The following CPEB4 variants were observed in gnomAD, a reference collection of about 807,000 sequenced individuals.
CPEB4 encodes the protein cytoplasmic polyadenylation element binding protein 4, also known as cytoplasmic polyadenylation element-binding protein 4.
A neutral mutation model predicts 72.5 loss-of-function variants in CPEB4; 12 were observed. That is an observed-to-expected ratio of 0.17 (90% confidence interval 0.11 to 0.27). CPEB4 has a LOEUF of 0.27. Ranked by LOEUF, CPEB4 falls within the 10% of genes least tolerant of loss-of-function variation. The pLI, the probability that CPEB4 is intolerant of heterozygous loss-of-function variation, is 1.00. For synonymous variants in CPEB4, 302 were observed against 326.3 expected, an observed-to-expected ratio of 0.93 and a Z score of 0.80; for missense variants, 614 against 908.5, an observed-to-expected ratio of 0.68 and a Z score of 4.17.
At chr5:173,926,089 G>A (rs530922847) in intron 2 of CPEB4, among the ~76,000 whole-genome samples, 5 of 152,290 alleles carry the variant, frequency 3.3e-5, no homozygotes, top group Admixed American at 6.5e-5. Flanking sequence ...AAAAAGAAAA[G>A]CTTATAGATA....
In CPEB4 at chr5:173,888,974, C is replaced by T. The variant is rs1581099511; in HGVS notation, c.-760C>T. On this transcript the variant is annotated 5_prime_UTR_variant, in exon 1 of 10. Coordinates refer to ENST00000265085, the MANE Select transcript of CPEB4 (RefSeq NM_030627.4). This position sits in a 1 kb window ranked among gnomAD's most constrained non-coding sequence, Gnocchi z 4.3. ...GCCGCGGGGAGCCCAGGAACAGCGA[C>T]CGCAGCAAGATCTGCACCCGGAGCC... 6.4e-6 allele frequency: 1 copy of T among 155,654 alleles called. No individual in the cohort carries two copies. Among genetic ancestry groups the T allele is most frequent in the Admixed American group, 6.5e-5 (1 of 15,342 alleles). 9.6% of individuals were successfully genotyped at this position (155,654 alleles called of 1,614,324 possible).
chr5:173,956,220 G>T lies in CPEB4; in HGVS notation c.*83G>T, dbSNP rs1454226564. ...CTGACCCCTTCCTCAACCTCTTCACGCTGGCATGTCCTTTTGTAGCAGTCT... is the reference window on the plus strand; with the variant it reads ...CTGACCCCTTCCTCAACCTCTTCACTCTGGCATGTCCTTTTGTAGCAGTCT... On this transcript the variant is annotated 3_prime_UTR_variant, in exon 10 of 10. Transcript: ENST00000265085. 3.9e-6 allele frequency: 4 copies of T among 1,036,820 alleles called. No homozygotes were observed. In the East Asian group the frequency reaches 7.3e-5, roughly 19 times the overall value. The allele number at this position is 1,036,820 out of a possible 1,614,324, so 64.2% of individuals were successfully genotyped here. A position where few individuals can be genotyped will look rare whatever the true frequency, so the allele number is the denominator to read the frequency against.
intron 1 of CPEB4, among the ~76,000 whole-genome samples, chr5:173,897,861 G>A (rs149022788): frequency 2.2e-3 from 321 of 143,574 alleles, no homozygotes; most frequent in Non-Finnish European, 3.5e-3. Flanking sequence ...ATAAGTTACC[G>A]TATGTTTATA....
intron 4 of CPEB4, among the ~76,000 whole-genome samples, chr5:173,944,578 C>A (rs1342197066): frequency 6.6e-6 from 1 of 151,790 alleles, no homozygotes; most frequent in Non-Finnish European, 1.5e-5. Flanking sequence ...GTAAGTGATT[C>A]AATGTCTTAC....
chr5:173,903,641 T>C (rs1043005368), intron 1 of CPEB4, among the ~76,000 whole-genome samples: 12 of 151,284 alleles, frequency 7.9e-5, no homozygotes, highest in Admixed American at 4.6e-4. Context: ...ATCTGGATGT[T>C]AAAAAAAAAT....
At chr5:173,922,318 C>CCTCCTGGGCTCAAACG (rs1224275101) in intron 2 of CPEB4, among the ~76,000 whole-genome samples, 1 of 152,110 alleles carries the variant, frequency 6.6e-6, no homozygotes, top group Non-Finnish European at 1.5e-5. Context: ...GCAGCCTCCG[C>CCTCCTGGGCTCAAACG]CTCCTGGGCT....
At chr5:173,931,473 A>G (rs1757444981) in intron 2 of CPEB4, among the ~76,000 whole-genome samples, 1 of 152,242 alleles carries the variant, frequency 6.6e-6, no homozygotes, top group African/African-American at 2.4e-5. Context: ...GGACTATAGT[A>G]GAGAACTAAC....
intron 3 of CPEB4, among the ~76,000 whole-genome samples, chr5:173,936,935 A>T (rs1037481468): frequency 6.6e-6 from 1 of 151,976 alleles, no homozygotes; most frequent in Non-Finnish European, 1.5e-5. Context: ...TTAAGTTTTA[A>T]CAACTCATAT....
At chr5:173,916,776 G>A (rs1329791877) in intron 2 of CPEB4, among the ~76,000 whole-genome samples, 3 of 152,120 alleles carry the variant, frequency 2.0e-5, no homozygotes, top group African/African-American at 7.2e-5. Flanking sequence ...AGAAAATCAT[G>A]AAACTCAAGT....
chr5:173,953,567 A>G, intron 9 of CPEB4: 1 of 370,564 alleles, frequency 2.7e-6, no homozygotes, highest in Non-Finnish European at 4.8e-6. Flanking sequence ...TAAGTCATTC[A>G]ATAAATATTT....
rs186307329 is a variant in CPEB4, at chr5:173,950,432, C to T, written c.1665+354C>T. 2.9e-3 allele frequency among the ~76,000 whole-genome samples: 435 copies of T among 152,146 alleles called. 4 individuals are homozygous for T. Among genetic ancestry groups the T allele is most frequent in the African/African-American group, 0.01 (422 of 41,488 alleles). ...CCAGCCTGGCCAACATGGTGAAATC[C>T]AGTCTTTACTGAAAATACAAAAATT... On this transcript the variant is annotated intron_variant, in intron 7 of 9. Coordinates refer to ENST00000265085, the MANE Select transcript of CPEB4 (RefSeq NM_030627.4). This position sits in a 1 kb window ranked among gnomAD's most constrained non-coding sequence, Gnocchi z 5.0.
chr5:173,927,620 T>C (rs906766101), intron 2 of CPEB4, among the ~76,000 whole-genome samples: 18 of 152,070 alleles, frequency 1.2e-4, no homozygotes, highest in African/African-American at 4.3e-4. Context: ...CTACTAAAAA[T>C]ACAAAAATTA....
At position 173,956,435 on chromosome 5, in the gene CPEB4, G is replaced by T; in HGVS notation, c.*298G>T. The T allele has an allele frequency of 3.4e-6, 1 of 291,274 alleles. No individual in the cohort carries two copies. Among genetic ancestry groups the T allele is most frequent in the Non-Finnish European group, 6.4e-6 (1 of 157,132 alleles). 18.0% of individuals were successfully genotyped at this position (291,274 alleles called of 1,614,324 possible). On this transcript the variant is annotated 3_prime_UTR_variant, in exon 10 of 10. Transcript: ENST00000265085. ...GCAACATTTTCTTAGAGGAGAGAGA[G>T]AAATATTAAAAGAGAAATGAAACAA... is the stretch of plus-strand genomic sequence containing the variant.
Position 173,945,099 on chromosome 5 carries a change from G to A in CPEB4, c.1415G>A (p.Arg472Gln), listed in dbSNP as rs1201012632. 1.9e-6 allele frequency: 3 copies of A among 1,613,746 alleles called. No individual in the cohort carries two copies. The highest frequency in any genetic ancestry group is 2.5e-6 in the Non-Finnish European group (3 of 1,179,852). Residue 472 changes from arginine to glutamine, a missense_variant, in exon 5 of 10, where the codon CGA becomes CAA. Around this residue, in one of 5 missense-constraint regions of CPEB4, gnomAD observed 25 missense variants for 68.9 expected, o/e 0.36. Coordinates refer to ENST00000265085, the MANE Select transcript of CPEB4 (RefSeq NM_030627.4). Reference protein sequence around the residue: ...QNGERVERYSRKVFVGGLPPD... With the variant: ...QNGERVERYSQKVFVGGLPPD... ...GGGGAAAGAGTGGAACGATATTCTC[G>A]AAAGGTGTTTGTAGGCGGATTGCCT...
intron 4 of CPEB4, among the ~76,000 whole-genome samples, chr5:173,943,786 T>C (rs10065165): frequency 0.11 from 17,433 of 152,240 alleles, 1,910 homozygotes; most frequent in East Asian, 0.52. Flanking sequence ...ATAAAAAATA[T>C]ACTGTTATTA....
chr5:173,906,283 T>G (rs1437100391), intron 1 of CPEB4, among the ~76,000 whole-genome samples: 1 of 152,236 alleles, frequency 6.6e-6, no homozygotes, highest in African/African-American at 2.4e-5. Flanking sequence ...TGTGTCCCCT[T>G]TATCTATTTC....
At chr5:173,911,081 TA>T (rs113653688) in intron 2 of CPEB4, among the ~76,000 whole-genome samples, 1,750 of 150,120 alleles carry the variant, frequency 0.012, 32 homozygotes, top group African/African-American at 0.039. Context: ...TGTATTATGT[TA>T]AAAAAAAATA....
chr5:173,929,448 C>T (rs115283993), intron 2 of CPEB4, among the ~76,000 whole-genome samples: 88 of 152,228 alleles, frequency 5.8e-4, no homozygotes, highest in Non-Finnish European at 9.6e-4. Context: ...CCTGTAAACC[C>T]GGCACTTGAA....
At chr5:173,915,747 A>G (rs564231581) in intron 2 of CPEB4, among the ~76,000 whole-genome samples, 3 of 152,326 alleles carry the variant, frequency 2.0e-5, no homozygotes, top group Middle Eastern at 3.4e-3. Context: ...ATTGTTATGC[A>G]TGTTTTTTCT....
Sources: allele counts gnomAD v4.1 joint callset (sites outside exome capture counted in the v4.1 genomes callset), GRCh38; gene constraint gnomAD v4.1.1; regional missense constraint gnomAD v4.1.1; non-coding constraint Gnocchi (gnomAD v3.1); transcripts MANE v1.5; gene names NCBI Gene and HGNC (gene_info 2026-07-23, HGNC 2026-07-21).